LRRC32: variants seen among roughly 807,000 people sequenced by gnomAD.
The protein encoded by LRRC32 is leucine rich repeat containing 32, also known as transforming growth factor beta activator LRRC32.
LRRC32 carries 5 observed loss-of-function variants against 15.0 expected under a neutral mutation model. That is an observed-to-expected ratio of 0.33 (90% confidence interval 0.17 to 0.70). The LOEUF (loss-of-function observed/expected upper bound fraction) is 0.70. Ranked by LOEUF, LRRC32 falls within the 30% of genes least tolerant of loss-of-function variation. LRRC32 has a pLI of 0.66. For missense variants in LRRC32, 803 were observed against 854.2 expected, an observed-to-expected ratio of 0.94 and a Z score of 0.75; for synonymous variants, 391 against 403.9, an observed-to-expected ratio of 0.97 and a Z score of 0.38.
rs1180459008 is a variant in LRRC32 at position 76,660,803 on chromosome 11, G to A, written c.790C>T (p.Leu264Phe). Residue 264 changes from leucine to phenylalanine, a missense_variant, in exon 3 of 3, where the codon CTC becomes TTC. By Grantham distance (22) the Leu-to-Phe change is conservative. Coordinates refer to ENST00000260061, the MANE Select transcript of LRRC32 (RefSeq NM_001128922.2). ...AAGTTCAGGTAGATGAGTCTCGGGA[G>A]CGCGGCCAGGTCGGGGAAATGGAGC... ...KLLHFPDLAA[L>F]PRLIYLNLSN... is the part of the protein sequence containing the mutation. The A allele has an allele frequency of 6.2e-7, 1 of 1,614,096 alleles. No homozygotes were observed. The highest frequency in any genetic ancestry group is 1.3e-5 in the African/African-American group (1 of 74,934).
intron 1 of LRRC32, chr11:76,669,872 G>A (rs2120123960): frequency 6.6e-6 from 1 of 152,452 alleles, no homozygotes; most frequent in South Asian, 2.1e-4. Flanking sequence ...CCTAAGCCCT[G>A]CCAACGACCC....
chr11:76,659,755 A>G lies in LRRC32; in HGVS notation c.1838T>C (p.Val613Ala). 6.2e-7 allele frequency: 1 copy of G among 1,614,230 alleles called. No homozygotes were observed. The highest frequency in any genetic ancestry group is 1.1e-5 in the South Asian group (1 of 91,092). The change falls in exon 3 of 3, where the codon GTG becomes GCG. Residue 613 changes from valine (V) to alanine (A), a missense_variant. By Grantham distance (64) the Val-to-Ala change is moderately conservative. Coordinates refer to ENST00000260061, the MANE Select transcript of LRRC32 (RefSeq NM_001128922.2). ...CCCCTTCTCACAGTCCTCGGGACGC[A>G]CGTGGCTCAGGGACACCTCCTCCTG... ...SSQEEVSLSH[V>A]RPEDCEKGGL...
chr11:76,670,535 C>G (rs1309022178), intron 1 of LRRC32, 79 bp downstream of exon 1: 35 of 152,122 alleles, frequency 2.3e-4, no homozygotes, highest in Admixed American at 2.3e-3. Context: ...GGGACCAGCC[C>G]CCGCCTTGCG....
chr11:76,667,795 T>C (rs1399181069), intron 1 of LRRC32, among the ~76,000 whole-genome samples: 2 of 152,230 alleles, frequency 1.3e-5, no homozygotes, highest in African/African-American at 4.8e-5. Flanking sequence ...CGGTGTCCCC[T>C]CTCACATTCT....
chr11:76,661,363 T>G lies in LRRC32; in HGVS notation c.230A>C (p.His77Pro), dbSNP rs1467828976. ...GATCTCATTGGTGCTCAGGTCCAGG[T>G]GACGAAGTGCTGTGTAGAAGCCCAG... The part of the protein sequence containing the change: ...SPLGFYTALR[H>P]LDLSTNEISF... Residue 77 changes from histidine (H) to proline (P), a missense_variant, in exon 3 of 3, where the codon CAC (histidine) becomes CCC (proline). Transcript: ENST00000260061. 1 of 1,614,022 alleles carries G rather than the reference T, an allele frequency of 6.2e-7. No individual in the cohort carries two copies. Among genetic ancestry groups the G allele is most frequent in the Non-Finnish European group, 8.5e-7 (1 of 1,180,010 alleles).
intron 1 of LRRC32, among the ~76,000 whole-genome samples, chr11:76,666,373 C>T (rs1168973981): frequency 6.6e-6 from 1 of 152,146 alleles, no homozygotes; most frequent in Non-Finnish European, 1.5e-5. Context: ...GGGCCTCTGA[C>T]TACATTTCCA....
At chr11:76,665,479 G>C (rs1323945898) in intron 2 of LRRC32, among the ~76,000 whole-genome samples, 1 of 152,168 alleles carries the variant, frequency 6.6e-6, no homozygotes, top group Non-Finnish European at 1.5e-5. Context: ...GATGAGCACA[G>C]AGGAGCCCCT....
In LRRC32 at chr11:76,660,815, C is replaced by T. The variant is rs756642942; in HGVS notation, c.778G>A (p.Asp260Asn). Residue 260 changes from aspartate to asparagine, a missense_variant, in exon 3 of 3, where the codon GAC (aspartate) becomes AAC (asparagine). Transcript: ENST00000260061. ...ATGAGTCTCGGGAGCGCGGCCAGGT[C>T]GGGGAAATGGAGCAGTTTGTTCTCC... ...LRENKLLHFPDLAALPRLIYL... is the reference protein window; with the variant it reads ...LRENKLLHFPNLAALPRLIYL... 1.2e-5 allele frequency: 19 copies of T among 1,613,948 alleles called. No individual in the cohort carries two copies. Among genetic ancestry groups the T allele is most frequent in the East Asian group, 1.1e-4 (5 of 44,870 alleles).
chr11:76,666,180 C>T (rs1206410534), intron 1 of LRRC32, among the ~76,000 whole-genome samples: 1 of 152,196 alleles, frequency 6.6e-6, no homozygotes, highest in Non-Finnish European at 1.5e-5. Context: ...GCCCATTACC[C>T]AGGGGAAGCA....
At position 76,660,088 on chromosome 11, in the gene LRRC32, C is replaced by T; in HGVS notation, c.1505G>A (p.Gly502Glu). The T allele has an allele frequency of 6.2e-7, 1 of 1,614,044 alleles. No homozygotes were observed. Among genetic ancestry groups the T allele is most frequent in the Non-Finnish European group, 8.5e-7 (1 of 1,179,998 alleles). ...SLEVLALQGN[G>E]LMVLQVDLPC... ...CAGGTCCACCTGCAGGACCATCAGC[C>T]CGTTGCCCTGCAGTGCCAGGACCTC... is the stretch of plus-strand genomic sequence containing the variant. Residue 502 changes from glycine to glutamate, a missense_variant, in exon 3 of 3, where the codon GGG (glycine) becomes GAG (glutamate). By Grantham distance (98) the Gly-to-Glu change is moderately conservative. Coordinates refer to ENST00000260061, the MANE Select transcript of LRRC32 (RefSeq NM_001128922.2).
Position 76,661,142 on chromosome 11 carries a change from G to C in LRRC32, c.451C>G (p.Leu151Val). ...TTCTCCGCCAGTGAGAGGGTATGCA[G>C]GCTGGGTGCCTCCCCCAGCAGCCGC... ...LERLLGEAPS[L>V]HTLSLAENSL... The change falls in exon 3 of 3, where the codon CTG becomes GTG. Residue 151 changes from leucine to valine, a missense_variant. Leu to Val is a conservative substitution (Grantham distance 32, BLOSUM62 1). Transcript: ENST00000260061. 6.2e-7 allele frequency: 1 copy of C among 1,613,870 alleles called. No individual in the cohort carries two copies. Among genetic ancestry groups the C allele is most frequent in the Non-Finnish European group, 8.5e-7 (1 of 1,179,886 alleles).
chr11:76,670,373 C>A (rs1952692186), intron 1 of LRRC32, among the ~76,000 whole-genome samples: 1 of 152,240 alleles, frequency 6.6e-6, no homozygotes, highest in African/African-American at 2.4e-5. Flanking sequence ...GTTTTCCCAG[C>A]TGTCAAATGG....
In LRRC32 at chr11:76,659,370, T is replaced by C; in HGVS notation, c.*234A>G. On this transcript the variant is annotated 3_prime_UTR_variant, in exon 3 of 3. Coordinates refer to ENST00000260061, the MANE Select transcript of LRRC32 (RefSeq NM_001128922.2). Reference sequence around the variant, plus strand: ...GATTTGTTGATCTGACAGGTCAACATTATTCTCGGCTGTCCCTGAAACCGC... The same window carrying C: ...GATTTGTTGATCTGACAGGTCAACACTATTCTCGGCTGTCCCTGAAACCGC... The C allele has an allele frequency of 1.8e-6, 1 of 542,802 alleles. No homozygotes were observed. The highest frequency in any genetic ancestry group is 3.3e-6 in the Non-Finnish European group (1 of 303,684). 33.6% of individuals were successfully genotyped at this position (542,802 alleles called of 1,614,324 possible).
At position 76,669,218 on chromosome 11, in the gene LRRC32, G is replaced by A. The variant is rs188840158; in HGVS notation, c.-5+1396C>T. On this transcript the variant is annotated intron_variant, in intron 1 of 2. Coordinates refer to ENST00000260061, the MANE Select transcript of LRRC32 (RefSeq NM_001128922.2). ...CTTCCCAGCTGACACAGTGACCCTC[G>A]CAGGGCTGAGCATCCCAGGTGAGGT... is the stretch of plus-strand genomic sequence containing the variant. 1.6e-3 allele frequency among the ~76,000 whole-genome samples: 239 copies of A among 152,278 alleles called. 2 individuals are homozygous for A. The highest frequency in any genetic ancestry group is 5.5e-3 in the African/African-American group (228 of 41,544).
chr11:76,664,176 C>A (rs1952585775), intron 2 of LRRC32, among the ~76,000 whole-genome samples: 1 of 152,338 alleles, frequency 6.6e-6, no homozygotes, highest in East Asian at 1.9e-4. Flanking sequence ...ATCCAGGACA[C>A]AAAGTTTGCC....
intron 2 of LRRC32, 48 bp downstream of exon 2, chr11:76,665,823 G>T: frequency 6.2e-7 from 1 of 1,612,466 alleles, no homozygotes; most frequent in Non-Finnish European, 8.5e-7. Flanking sequence ...ACACCCTAGG[G>T]CAGGGAGGTG....
chr11:76,667,294 G>A (rs1011875254), intron 1 of LRRC32, among the ~76,000 whole-genome samples: 1 of 152,192 alleles, frequency 6.6e-6, no homozygotes, highest in African/African-American at 2.4e-5. Context: ...ACAAGCCACC[G>A]GCCCAGGTGA....
chr11:76,659,538 G>C lies in LRRC32; in HGVS notation c.*66C>G. The C allele has an allele frequency of 3.3e-6, 5 of 1,510,632 alleles. No individual in the cohort carries two copies. Among genetic ancestry groups the C allele is most frequent in the South Asian group, 1.3e-5 (1 of 79,962 alleles). The allele number at this position is 1,510,632 out of a possible 1,614,324, so 93.6% of individuals were successfully genotyped here. A position where few individuals can be genotyped will look rare whatever the true frequency, so the allele number is the denominator to read the frequency against. ...GGATCCCGGATCACTGTGTGACCTT[G>C]AGTCAGTCCTCACTCTTCTCTGTAC... On this transcript the variant is annotated 3_prime_UTR_variant, in exon 3 of 3. Transcript: ENST00000260061.
chr11:76,666,756 G>A (rs999150937), intron 1 of LRRC32, among the ~76,000 whole-genome samples: 1 of 152,200 alleles, frequency 6.6e-6, no homozygotes, highest in African/African-American at 2.4e-5. Flanking sequence ...CCCTCACTAA[G>A]GACATCAGCC....
Sources: allele counts gnomAD v4.1 joint callset (sites outside exome capture counted in the v4.1 genomes callset), GRCh38; gene constraint gnomAD v4.1.1; transcripts MANE v1.5; gene names NCBI Gene and HGNC (gene_info 2026-07-23, HGNC 2026-07-21).